Variants in NECTIN3 observed in about 807,000 individuals in gnomAD.
The protein encoded by NECTIN3 is nectin-3.
NECTIN3 carries 8 observed loss-of-function variants against 49.4 expected under a neutral mutation model. The observed-to-expected ratio is 0.16, with a 90% CI of 0.10 to 0.29. NECTIN3 has a LOEUF of 0.29. Ranked by LOEUF, NECTIN3 falls within the 10% of genes least tolerant of loss-of-function variation. NECTIN3 has a pLI of 1.00. For missense variants in NECTIN3, 581 were observed against 654.6 expected (o/e 0.89, Z 1.23); for synonymous variants, 277 against 241.1 (o/e 1.15, Z -1.38).
chr3:111,144,955 G>C (rs1341903965), exon 6 of NECTIN3: 3 of 1,536,294 alleles, frequency 2.0e-6, no homozygotes, highest in Non-Finnish European at 2.6e-6. Flanking sequence ...AATTGGAGCT[G>C]TTCTTGCCCT....
At chr3:111,085,782 T>C (rs2031888004) in intron 1 of NECTIN3, among the ~76,000 whole-genome samples, 1 of 152,160 alleles carries the variant, frequency 6.6e-6, no homozygotes, top group African/African-American at 2.4e-5. Flanking sequence ...GACAGACATT[T>C]GGGTTATTTT....
At chr3:111,087,055 A>G (rs1406558488) in intron 1 of NECTIN3, among the ~76,000 whole-genome samples, 6 of 152,140 alleles carry the variant, frequency 3.9e-5, no homozygotes, top group Non-Finnish European at 4.4e-5. Flanking sequence ...TGTGGCATGT[A>G]AAATGCAATC....
intron 7 of NECTIN3, among the ~76,000 whole-genome samples, chr3:111,156,515 A>C (rs778005954): frequency 9.9e-5 from 15 of 152,208 alleles, no homozygotes; most frequent in Non-Finnish European, 1.8e-4. Flanking sequence ...AAAATTAAGA[A>C]ATTTTTTAAA....
rs912283163 is a variant in NECTIN3, at chr3:111,112,076, A to T, written c.207A>T (p.Val69=). The T allele has an allele frequency of 1.9e-6, 3 of 1,613,438 alleles. No homozygotes were observed. Among genetic ancestry groups the T allele is most frequent in the Admixed American group, 1.7e-5 (1 of 59,882 alleles). Residue 69 remains valine, a synonymous_variant, in exon 2 of 6, where the codon GTA becomes GTT. Transcript: ENST00000485303. ...PIIVEPHVTA[V]WGKNVSLKCL... ...TTGTGGAGCCACATGTCACAGCAGT[A>T]TGGGGAAAGAATGTTTCATTAAAGT...
intron 7 of NECTIN3, among the ~76,000 whole-genome samples, chr3:111,160,448 A>G (rs1228767205): frequency 6.6e-6 from 1 of 152,204 alleles, no homozygotes; most frequent in Non-Finnish European, 1.5e-5. Flanking sequence ...ATGGGAAACC[A>G]AAGTGATAAG....
chr3:111,082,928 C>A (rs536196581), intron 1 of NECTIN3, among the ~76,000 whole-genome samples: 3 of 152,246 alleles, frequency 2.0e-5, no homozygotes, highest in Admixed American at 2.0e-4. Flanking sequence ...ACATAGATCC[C>A]CCACATGTGC....
intron 1 of NECTIN3, among the ~76,000 whole-genome samples, chr3:111,104,911 G>A (rs1048678265): frequency 2.6e-5 from 4 of 152,030 alleles, no homozygotes; most frequent in African/African-American, 9.7e-5. Context: ...ATAAAGATGG[G>A]AATTTGATTG....
downstream of NECTIN3, among the ~76,000 whole-genome samples, chr3:111,140,488 T>A (rs1284197805): frequency 6.8e-6 from 1 of 146,538 alleles, no homozygotes. Flanking sequence ...GTACCAGTAT[T>A]ATTAGTCTTA....
intron 7 of NECTIN3, among the ~76,000 whole-genome samples, chr3:111,150,295 TCAAGAGA>T (rs62819060): frequency 0.021 from 3,257 of 152,074 alleles, 113 homozygotes; most frequent in African/African-American, 0.074. Context: ...GCTTGAACTA[TCAAGAGA>T]TTTTCTCTCC....
intron 1 of NECTIN3, chr3:111,193,393 C>T (rs924616833): frequency 2.6e-6 from 4 of 1,527,978 alleles, no homozygotes; most frequent in Admixed American, 4.0e-5. Flanking sequence ...TTCTCTTTTT[C>T]CAATGGGCGT....
chr3:111,072,696 T>G, intron 1 of NECTIN3: 3 of 1,021,242 alleles, frequency 2.9e-6, no homozygotes, highest in Non-Finnish European at 4.3e-6. Context: ...TACAGCTAGT[T>G]TTCTTCTGTC....
chr3:111,133,515 C>A, intron 5 of NECTIN3, 120 bp from the exon 6 acceptor site: 1 of 1,351,538 alleles, frequency 7.4e-7, no homozygotes, highest in Non-Finnish European at 9.8e-7. Flanking sequence ...GAATGAAAAA[C>A]TATTGTTACT....
intron 1 of NECTIN3, among the ~76,000 whole-genome samples, chr3:111,086,694 G>A (rs191069681): frequency 2.0e-5 from 3 of 152,158 alleles, no homozygotes; most frequent in Admixed American, 2.0e-4. Context: ...CAGGTTTATT[G>A]TACTTAGTCT....
intron 2 of NECTIN3, among the ~76,000 whole-genome samples, chr3:111,114,342 C>A (rs1230522163): frequency 2.6e-5 from 4 of 152,018 alleles, no homozygotes; most frequent in Admixed American, 2.6e-4. Flanking sequence ...TTCATCAAAT[C>A]ACATCCTTTT....
At chr3:111,109,794 T>G (rs1228588949) in intron 1 of NECTIN3, among the ~76,000 whole-genome samples, 1 of 152,100 alleles carries the variant, frequency 6.6e-6, no homozygotes, top group Non-Finnish European at 1.5e-5. Flanking sequence ...ATTTCTACCC[T>G]GTTTTTAAAA....
chr3:111,102,960 T>C (rs1395785645), intron 1 of NECTIN3, among the ~76,000 whole-genome samples: 1 of 152,224 alleles, frequency 6.6e-6, no homozygotes, highest in Admixed American at 6.5e-5. Flanking sequence ...TAACGTATAG[T>C]TAAAGACTAT....
chr3:111,148,964 G>A (rs2107511101), intron 7 of NECTIN3, among the ~76,000 whole-genome samples: 2 of 152,010 alleles, frequency 1.3e-5, no homozygotes, highest in East Asian at 3.9e-4. Context: ...CTAGAATGTA[G>A]AAAAAAGTCT....
chr3:111,185,692 ACT>A (rs1468181229), intron 7 of NECTIN3, among the ~76,000 whole-genome samples: 1 of 152,148 alleles, frequency 6.6e-6, no homozygotes, highest in Non-Finnish European at 1.5e-5. Context: ...TGGAACAAAG[ACT>A]CTGCAGAGAA....
chr3:111,113,633 T>A (rs1441952192), intron 2 of NECTIN3, among the ~76,000 whole-genome samples: 1 of 152,092 alleles, frequency 6.6e-6, no homozygotes, highest in Non-Finnish European at 1.5e-5. Flanking sequence ...TTTGAGAAAT[T>A]TTCTGATTAG....
Sources: gnomAD v4.1 joint callset for allele counts (sites outside exome capture counted in the v4.1 genomes callset) on GRCh38, gnomAD v4.1.1 for gene constraint, MANE v1.5 for transcripts, NCBI Gene and HGNC (gene_info 2026-07-23, HGNC 2026-07-21) for gene names.